The following COL18A1 variants were observed in gnomAD, a reference collection of about 807,000 sequenced individuals.
COL18A1 encodes the protein collagen alpha-1(XVIII) chain.
Under a neutral mutation model 168.0 loss-of-function variants are expected in COL18A1, and 133 were observed. That is an observed-to-expected ratio of 0.79 (90% confidence interval 0.69 to 0.91). The LOEUF (loss-of-function observed/expected upper bound fraction) is 0.91. COL18A1 is among the 40% of genes least tolerant of loss of function. The pLI, the probability that COL18A1 is intolerant of heterozygous loss-of-function variation, is 0.00. For missense variants in COL18A1, 2,126 were observed against 1,925.4 expected (o/e 1.10, Z -1.95); for synonymous variants, 949 against 809.0 (o/e 1.17, Z -2.94).
intron 2 of COL18A1, among the ~76,000 whole-genome samples, chr21:45,454,196 G>A (rs970552961): frequency 2.0e-5 from 3 of 152,194 alleles, no homozygotes; most frequent in African/African-American, 7.2e-5. Flanking sequence ...CCCTCGAGAA[G>A]GAGGTGGCAC....
rs1364437777 is a variant in COL18A1, at chr21:45,513,094, A to C, written c.*696A>C. 6.5e-6 allele frequency: 1 copy of C among 154,510 alleles called. No individual in the cohort carries two copies. Among genetic ancestry groups the C allele is most frequent in the African/African-American group, 2.4e-5 (1 of 41,456 alleles). 9.6% of individuals were successfully genotyped at this position (154,510 alleles called of 1,614,324 possible). The stretch of plus-strand genomic sequence containing the variant: ...GGGCTGGCCTCCCAAATGAGCCATG[A>C]GATGATACATCCAAAGCAGACAGCT... On this transcript the variant is annotated 3_prime_UTR_variant, in exon 42 of 42. Transcript: ENST00000651438.
rs2036591176 is a variant in COL18A1 at position 45,497,737 on chromosome 21, C to T, written c.2683+76C>T. The T allele has an allele frequency of 5.2e-6, 8 of 1,539,866 alleles. No individual in the cohort carries two copies. In the Admixed American group the frequency reaches 5.9e-5, roughly 11 times the overall value. On this transcript the variant is annotated intron_variant, in intron 32 of 41. Coordinates refer to ENST00000651438, the MANE Select transcript of COL18A1 (RefSeq NM_001379500.1). Reference sequence around the variant, plus strand: ...TGAAGTGTGGTCACACCTAGAGCCGCCACCACAAGCAGGTCCTGGACCCTC... The same window carrying T: ...TGAAGTGTGGTCACACCTAGAGCCGTCACCACAAGCAGGTCCTGGACCCTC...
intron 32 of COL18A1, 103 bp downstream of exon 32, chr21:45,497,764 C>CT: frequency 6.8e-7 from 1 of 1,479,656 alleles, no homozygotes; most frequent in East Asian, 2.5e-5. Context: ...TGGACCCTCA[C>CT]TGGGTGGTGA....
At chr21:45,414,065 G>A (rs549078405) in intron 2 of COL18A1, among the ~76,000 whole-genome samples, 1 of 152,238 alleles carries the variant, frequency 6.6e-6, no homozygotes, top group African/African-American at 2.4e-5. Context: ...TGGAGGAGGA[G>A]GATCGGGAGG....
At chr21:45,500,034 G>A (rs1039135817) in intron 32 of COL18A1, among the ~76,000 whole-genome samples, 2 of 152,132 alleles carry the variant, frequency 1.3e-5, no homozygotes, top group Non-Finnish European at 2.9e-5. Context: ...CGAACGTGAG[G>A]GCTGGAGAGG....
intron 41 of COL18A1, 58 bp downstream of exon 41, chr21:45,511,284 G>A: frequency 1.1e-6 from 1 of 923,350 alleles, no homozygotes; most frequent in Non-Finnish European, 1.7e-6. Flanking sequence ...AAGGCGGGCG[G>A]GCGGGCTCCT....
intron 9 of COL18A1, 145 bp downstream of exon 9, chr21:45,478,498 A>G (rs1356133444): frequency 9.4e-7 from 1 of 1,063,030 alleles, no homozygotes; most frequent in Admixed American, 1.9e-5. Flanking sequence ...AATTTTGTAA[A>G]GAAAAGATGA....
chr21:45,412,613 G>T (rs951886101), intron 2 of COL18A1, among the ~76,000 whole-genome samples: 4 of 152,186 alleles, frequency 2.6e-5, no homozygotes, highest in African/African-American at 9.6e-5. Context: ...TGGCACCCTG[G>T]AGTGGCCAGC....
In COL18A1 at chr21:45,504,000, C is replaced by T. The variant is rs776311180; in HGVS notation, c.2684-11C>T. The T allele has an allele frequency of 1.9e-6, 3 of 1,609,308 alleles. No individual in the cohort carries two copies. The highest frequency in any genetic ancestry group is 1.4e-5 in the African/African-American group (1 of 71,144). ...CACCTCAGCGAGACCCCGCCTGTCT[C>T]TCTCTTGCAGGGCAGTTTCCGTTTG... On this transcript the variant is annotated splice_polypyrimidine_tract_variant and intron_variant, in intron 32 of 41. Coordinates refer to ENST00000651438, the MANE Select transcript of COL18A1 (RefSeq NM_001379500.1).
At chr21:45,506,667 C>T (rs1332900962) in intron 37 of COL18A1, 1 of 172,322 alleles carries the variant, frequency 5.8e-6, no homozygotes, top group Non-Finnish European at 1.3e-5. Flanking sequence ...GTGGGAGCCT[C>T]CATGGCAGAA....
chr21:45,478,119 T>C, intron 8 of COL18A1, 154 bp downstream of exon 8: 1 of 764,296 alleles, frequency 1.3e-6, no homozygotes, highest in Non-Finnish European at 2.2e-6. Context: ...GGGTTGGTGC[T>C]GGAAGGTGGT....
At chr21:45,448,529 G>A (rs4819111) in intron 2 of COL18A1, among the ~76,000 whole-genome samples, 76,617 of 152,112 alleles carry the variant, frequency 0.5, 21,346 homozygotes, top group African/African-American at 0.76. Context: ...GTGTACACGC[G>A]CACACGTGTG....
chr21:45,506,905 G>A (rs977423590), intron 37 of COL18A1: 3 of 215,870 alleles, frequency 1.4e-5, no homozygotes, highest in African/African-American at 6.9e-5. Context: ...CCTTCATCTG[G>A]CCAGGGAGAG....
At chr21:45,488,739 A>G (rs937030430) in intron 18 of COL18A1, among the ~76,000 whole-genome samples, 5 of 152,068 alleles carry the variant, frequency 3.3e-5, no homozygotes, top group African/African-American at 7.2e-5. Context: ...TTGGGCCGAA[A>G]AGAGGGGCAT....
intron 39 of COL18A1, 43 bp downstream of exon 39, chr21:45,509,644 C>T (rs748548276): frequency 6.8e-6 from 7 of 1,028,040 alleles, no homozygotes; most frequent in African/African-American, 1.6e-5. Context: ...TCTAGCCCCT[C>T]GGCTCTCGGC....
intron 20 of COL18A1, 135 bp from the exon 21 acceptor site, chr21:45,490,701 G>T: frequency 2.2e-6 from 2 of 912,918 alleles, no homozygotes; most frequent in Non-Finnish European, 3.5e-6. Context: ...CAGGGCTCTT[G>T]GTGGCTGCCT....
At chr21:45,406,711 C>T (rs756626884) in intron 2 of COL18A1, among the ~76,000 whole-genome samples, 17 of 152,238 alleles carry the variant, frequency 1.1e-4, no homozygotes, top group Non-Finnish European at 1.9e-4. Flanking sequence ...TGTTTTAAAT[C>T]GCACAGGGAC....
chr21:45,464,958 C>T lies in COL18A1; in HGVS notation c.107-3284C>T, dbSNP rs146343093. On this transcript the variant is annotated intron_variant, in intron 2 of 41. Transcript: ENST00000651438. The stretch of plus-strand genomic sequence containing the variant: ...GCCCACCACAGTTTGTCCATGTGCA[C>T]GGCTGCACATGTGTACATATGCATG... Among the ~76,000 whole-genome samples, 650 of 152,272 alleles carry T rather than the reference C, an allele frequency of 4.3e-3. 5 individuals are homozygous for T. Among genetic ancestry groups the T allele is most frequent in the African/African-American group, 0.015 (616 of 41,554 alleles).
rs1055664175 is a variant in COL18A1 at position 45,443,868 on chromosome 21, T to G, written c.107-24374T>G. ...TCCCCTAGATGCGTCCGAGGGACACTGGACATCTGGTGGCCCTCCAGACTC... is the reference window on the plus strand; with the variant it reads ...TCCCCTAGATGCGTCCGAGGGACACGGGACATCTGGTGGCCCTCCAGACTC... On this transcript the variant is annotated intron_variant, in intron 2 of 41. Coordinates refer to ENST00000651438, the MANE Select transcript of COL18A1 (RefSeq NM_001379500.1). This position sits in a 1 kb window ranked among gnomAD's most constrained non-coding sequence, Gnocchi z 5.2. Among the ~76,000 whole-genome samples, 7 of 152,156 alleles carry G rather than the reference T, an allele frequency of 4.6e-5. No individual in the cohort carries two copies. Among genetic ancestry groups the G allele is most frequent in the Admixed American group, 3.9e-4 (6 of 15,280 alleles).
Sources: allele counts gnomAD v4.1 joint callset (sites outside exome capture counted in the v4.1 genomes callset), GRCh38; gene constraint gnomAD v4.1.1; non-coding constraint Gnocchi (gnomAD v3.1); transcripts MANE v1.5; gene names NCBI Gene and HGNC (gene_info 2026-07-23, HGNC 2026-07-21).